Variants in ST8SIA4 observed in about 807,000 individuals in gnomAD.
ST8SIA4 encodes CMP-N-acetylneuraminate-poly-alpha-2,8-sialyltransferase.
Under a neutral mutation model 33.9 loss-of-function variants are expected in ST8SIA4, and 15 were observed. The ratio of observed to expected loss-of-function variants is 0.44; its 90% CI spans 0.30 to 0.68. ST8SIA4 has a LOEUF of 0.68. ST8SIA4 is among the 30% of genes least tolerant of loss of function. The pLI is 0.10. For synonymous variants in ST8SIA4, 171 were observed against 151.2 expected (o/e 1.13, Z -0.96); for missense variants, 321 against 428.0 (o/e 0.75, Z 2.21).
Position 100,873,983 on chromosome 5 carries a change from T to C in ST8SIA4, c.503+12360A>G, listed in dbSNP as rs189631836. Among the ~76,000 whole-genome samples the C allele has an allele frequency of 3.4e-3, 525 of 152,212 alleles. 1 individual carries two copies. Among genetic ancestry groups the C allele is most frequent in the African/African-American group, 0.012 (503 of 41,538 alleles). ...CACTTTAAGCATTGCTTTGCAAAAT[T>C]CAAAACAATTTTCACAACCAACAAA... On this transcript the variant is annotated intron_variant, in intron 3 of 4. Transcript: ENST00000231461.
chr5:100,811,753 G>A lies in ST8SIA4; in HGVS notation c.*94C>T, dbSNP rs763943078. 78 of 1,282,526 alleles carry A rather than the reference G, an allele frequency of 6.1e-5. No homozygotes were observed. The highest frequency in any genetic ancestry group is 2.8e-4 in the Middle Eastern group (1 of 3,632). The allele number at this position is 1,282,526 out of a possible 1,614,324, so 79.4% of individuals were successfully genotyped here. On this transcript the variant is annotated 3_prime_UTR_variant, in exon 5 of 5. Transcript: ENST00000231461. ...TTATTCACCTTTCAGTTCATTGGTGGATGCTGAAACCCAGCCGTGTTTTGG... is the reference window on the plus strand; with the variant it reads ...TTATTCACCTTTCAGTTCATTGGTGAATGCTGAAACCCAGCCGTGTTTTGG...
At chr5:100,884,805 CCCACATGT>C (rs1483149825) in intron 3 of ST8SIA4, among the ~76,000 whole-genome samples, 2 of 152,150 alleles carry the variant, frequency 1.3e-5, no homozygotes, top group Non-Finnish European at 2.9e-5. Flanking sequence ...TCTCTCATTA[CCCACATGT>C]AAAAGCAGTC....
chr5:100,879,782 TA>T (rs1421234114), intron 3 of ST8SIA4, among the ~76,000 whole-genome samples: 1 of 152,134 alleles, frequency 6.6e-6, no homozygotes, highest in Non-Finnish European at 1.5e-5. Flanking sequence ...GATGGTGGGC[TA>T]AAAGGCAAAC....
At chr5:100,890,258 A>C (rs979296466) in intron 2 of ST8SIA4, among the ~76,000 whole-genome samples, 2 of 151,920 alleles carry the variant, frequency 1.3e-5, no homozygotes, top group African/African-American at 4.8e-5. Flanking sequence ...GCGAATTAAA[A>C]GCTTTGTGAA....
chr5:100,879,546 T>C (rs1475872931), intron 3 of ST8SIA4, among the ~76,000 whole-genome samples: 1 of 152,148 alleles, frequency 6.6e-6, no homozygotes, highest in Non-Finnish European at 1.5e-5. Flanking sequence ...AAAATCTAGT[T>C]ATCAAAAGAT....
intron 4 of ST8SIA4, among the ~76,000 whole-genome samples, chr5:100,817,855 G>A (rs1326604246): frequency 1.3e-5 from 2 of 152,072 alleles, no homozygotes; most frequent in Non-Finnish European, 2.9e-5. Flanking sequence ...GTAAATAAAG[G>A]GACAGACAGA....
chr5:100,874,583 CT>C (rs562709740), intron 3 of ST8SIA4, among the ~76,000 whole-genome samples: 10 of 151,284 alleles, frequency 6.6e-5, no homozygotes, highest in Non-Finnish European at 1.3e-4. Context: ...TTTTTTCTTC[CT>C]TTTTTTGAGA....
At chr5:100,888,543 A>G (rs113774681) in intron 2 of ST8SIA4, among the ~76,000 whole-genome samples, 1 of 152,108 alleles carries the variant, frequency 6.6e-6, no homozygotes, top group African/African-American at 2.4e-5. Context: ...TTTCAAAGTA[A>G]TAAAAACAAT....
intron 3 of ST8SIA4, among the ~76,000 whole-genome samples, chr5:100,883,774 C>T (rs1300287899): frequency 6.6e-6 from 1 of 152,142 alleles, no homozygotes; most frequent in Non-Finnish European, 1.5e-5. Flanking sequence ...CCCTCATTTT[C>T]TCTAGCTGCT....
chr5:100,865,417 T>C (rs1432090207), intron 3 of ST8SIA4, among the ~76,000 whole-genome samples: 1 of 152,200 alleles, frequency 6.6e-6, no homozygotes, highest in Non-Finnish European at 1.5e-5. Flanking sequence ...TTTTTGTTAC[T>C]AGACATATTC....
intron 4 of ST8SIA4, among the ~76,000 whole-genome samples, chr5:100,826,161 T>A (rs1456331278): frequency 1.3e-5 from 2 of 152,084 alleles, no homozygotes; most frequent in African/African-American, 4.8e-5. Context: ...TTCTATAGAA[T>A]AAAGAAATTG....
chr5:100,836,204 T>G (rs1450641773), intron 4 of ST8SIA4, among the ~76,000 whole-genome samples: 1 of 152,110 alleles, frequency 6.6e-6, no homozygotes, highest in Non-Finnish European at 1.5e-5. Context: ...ACGCTTTGCA[T>G]ATAACTCAAA....
At chr5:100,861,174 CAA>C (rs1751932717) in intron 3 of ST8SIA4, among the ~76,000 whole-genome samples, 1 of 151,736 alleles carries the variant, frequency 6.6e-6, no homozygotes, top group East Asian at 1.9e-4. Flanking sequence ...AATAGGCACA[CAA>C]AATACACACA....
At chr5:100,869,736 T>C (rs1752155397) in intron 3 of ST8SIA4, among the ~76,000 whole-genome samples, 1 of 152,206 alleles carries the variant, frequency 6.6e-6, no homozygotes, top group Admixed American at 6.5e-5. Flanking sequence ...ATGCAAATTC[T>C]TAACATGATG....
intron 4 of ST8SIA4, among the ~76,000 whole-genome samples, chr5:100,836,916 C>T (rs533590776): frequency 6.6e-6 from 1 of 151,884 alleles, no homozygotes; most frequent in African/African-American, 2.4e-5. Flanking sequence ...GGTTAAAATA[C>T]TCCCACGTCA....
intron 3 of ST8SIA4, among the ~76,000 whole-genome samples, chr5:100,868,002 G>T (rs1752111676): frequency 6.6e-6 from 1 of 151,946 alleles, no homozygotes; most frequent in Non-Finnish European, 1.5e-5. Flanking sequence ...TGACCTAGCT[G>T]TAATGCCTGA....
At chr5:100,883,179 G>T (rs1206573172) in intron 3 of ST8SIA4, among the ~76,000 whole-genome samples, 1 of 152,202 alleles carries the variant, frequency 6.6e-6, no homozygotes, top group Non-Finnish European at 1.5e-5. Flanking sequence ...AGGCGGAGCT[G>T]CCCAAGACCA....
intron 3 of ST8SIA4, among the ~76,000 whole-genome samples, chr5:100,860,196 C>T (rs1751906524): frequency 6.6e-6 from 1 of 152,080 alleles, no homozygotes; most frequent in South Asian, 2.1e-4. Flanking sequence ...CAAATTTTCC[C>T]CACCTTTGTT....
At chr5:100,826,552 T>C (rs935916248) in intron 4 of ST8SIA4, among the ~76,000 whole-genome samples, 2 of 152,212 alleles carry the variant, frequency 1.3e-5, no homozygotes, top group Admixed American at 6.5e-5. Flanking sequence ...AAGGTTATCC[T>C]GTAGTTCAGT....
Sources: allele counts gnomAD v4.1 joint callset (sites outside exome capture counted in the v4.1 genomes callset), GRCh38; gene constraint gnomAD v4.1.1; transcripts MANE v1.5; gene names NCBI Gene and HGNC (gene_info 2026-07-23, HGNC 2026-07-21).